The following XIRP2 variants were observed in gnomAD, a reference collection of about 807,000 sequenced individuals.
XIRP2 encodes xin actin binding repeat containing 2.
In XIRP2, 236 loss-of-function variants were observed where a neutral mutation model predicts 277.0. The observed-to-expected ratio is 0.85, with a 90% CI of 0.77 to 0.95. XIRP2 has a LOEUF of 0.95. Ranked by LOEUF, XIRP2 falls within the 40% of genes least tolerant of loss-of-function variation. The pLI is 0.00. For missense variants in XIRP2, 4,640 were observed against 4,157.5 expected (o/e 1.12, Z -3.19); for synonymous variants, 1,490 against 1,416.5 (o/e 1.05, Z -1.17).
rs1406255259 is a variant in XIRP2, at chr2:167,249,152, T to G, written c.7760T>G (p.Met2587Arg). ...NQHITEVEKEMPLQKTNEEVS... is the reference protein window; with the variant it reads ...NQHITEVEKERPLQKTNEEVS... ...CACATAACAGAGGTGGAAAAGGAAA[T>G]GCCATTACAAAAAACCAATGAGGAG... The change falls in exon 9 of 11, where the codon ATG becomes AGG. Residue 2587 changes from methionine to arginine, a missense_variant. Met to Arg is a moderately conservative substitution (Grantham distance 91). Coordinates refer to ENST00000409195, the MANE Select transcript of XIRP2 (RefSeq NM_152381.6). The G allele has an allele frequency of 1.9e-6, 3 of 1,613,576 alleles. No homozygotes were observed. The highest frequency in any genetic ancestry group is 2.5e-6 in the Non-Finnish European group (3 of 1,179,798).
At position 167,247,157 on chromosome 2, in the gene XIRP2, T is replaced by C. The variant is rs1332066078; in HGVS notation, c.5765T>C (p.Leu1922Pro). 1 of 1,613,606 alleles carries C rather than the reference T, an allele frequency of 6.2e-7. No individual in the cohort carries two copies. Residue 1922 changes from leucine to proline, a missense_variant, in exon 9 of 11, where the codon CTG becomes CCG. Coordinates refer to ENST00000409195, the MANE Select transcript of XIRP2 (RefSeq NM_152381.6). Reference sequence around the variant, plus strand: ...AAAAAGGAGCTTCTCAAAGATGACCTGGAAACATCACTAAGGTCTTTGAAA... The same window carrying C: ...AAAAAGGAGCTTCTCAAAGATGACCCGGAAACATCACTAAGGTCTTTGAAA... ...ILKKELLKDD[L>P]ETSLRSLKEA...
At chr2:167,156,675 C>T (rs1692207938) in intron 3 of XIRP2, among the ~76,000 whole-genome samples, 1 of 152,146 alleles carries the variant, frequency 6.6e-6, no homozygotes, top group Non-Finnish European at 1.5e-5. Flanking sequence ...TTATGCTTCG[C>T]AGGCATAAAT....
chr2:167,007,697 T>TCACA (rs1279562385), intron 2 of XIRP2, among the ~76,000 whole-genome samples: 142 of 120,908 alleles, frequency 1.2e-3, no homozygotes, highest in Admixed American at 5.7e-3. Flanking sequence ...TCTCTCTCTC[T>TCACA]CTCTCTCACA....
chr2:167,214,297 GAGGAAGGA>G (rs559361394), intron 4 of XIRP2, among the ~76,000 whole-genome samples: 6 of 87,172 alleles, frequency 6.9e-5, no homozygotes, highest in Non-Finnish European at 1.3e-4. Flanking sequence ...GGGAGGGAGG[GAGGAAGGA>G]AGGAAGGAAG....
intron 2 of XIRP2, 85 bp downstream of exon 2, chr2:166,903,975 C>T (rs1684454335): frequency 6.9e-7 from 1 of 1,453,354 alleles, no homozygotes. Flanking sequence ...GTAATCTTTC[C>T]CCCCGCCAGT....
intron 2 of XIRP2, among the ~76,000 whole-genome samples, chr2:166,968,799 G>A (rs1686497410): frequency 6.6e-6 from 1 of 151,678 alleles, no homozygotes; most frequent in Non-Finnish European, 1.5e-5. Context: ...ACGAATATAA[G>A]TCTTGACTGA....
intron 2 of XIRP2, among the ~76,000 whole-genome samples, chr2:167,113,853 G>T (rs1448396058): frequency 1.3e-5 from 2 of 152,126 alleles, no homozygotes; most frequent in African/African-American, 4.8e-5. Context: ...ATTCCCAACA[G>T]CATTTGCTTA....
chr2:167,091,582 A>C (rs955668456), intron 2 of XIRP2, among the ~76,000 whole-genome samples: 1 of 151,750 alleles, frequency 6.6e-6, no homozygotes, highest in Non-Finnish European at 1.5e-5. Flanking sequence ...TTTTCTTCTT[A>C]TTTTCTTGAA....
At chr2:166,931,452 A>T (rs1470464066) in intron 2 of XIRP2, among the ~76,000 whole-genome samples, 2 of 151,944 alleles carry the variant, frequency 1.3e-5, no homozygotes, top group Non-Finnish European at 2.9e-5. Flanking sequence ...GGTAACAACT[A>T]CTCTTCTATC....
chr2:167,229,108 T>G (rs1298913096), intron 5 of XIRP2, among the ~76,000 whole-genome samples: 2 of 152,118 alleles, frequency 1.3e-5, no homozygotes, highest in Non-Finnish European at 2.9e-5. Context: ...TTAGGTGATC[T>G]CAAAAAGTAT....
At chr2:167,201,123 C>T (rs1372788055) in intron 3 of XIRP2, among the ~76,000 whole-genome samples, 1 of 134,652 alleles carries the variant, frequency 7.4e-6, no homozygotes, top group Non-Finnish European at 1.6e-5. Flanking sequence ...GAGGCTTTGT[C>T]AAGAAAGAGA....
At chr2:167,148,824 G>A (rs569004278) in intron 3 of XIRP2, among the ~76,000 whole-genome samples, 1 of 152,126 alleles carries the variant, frequency 6.6e-6, no homozygotes, top group South Asian at 2.1e-4. Flanking sequence ...AATCTTTTAA[G>A]AAAGTAAAGG....
At chr2:167,253,536 AC>A (rs766857447) in intron 9 of XIRP2, among the ~76,000 whole-genome samples, 3 of 151,848 alleles carry the variant, frequency 2.0e-5, no homozygotes, top group Non-Finnish European at 4.4e-5. Context: ...GGCTTAAAAA[AC>A]ATATGTATTT....
At chr2:167,205,747 A>T (rs1046455949) in intron 3 of XIRP2, among the ~76,000 whole-genome samples, 4 of 152,190 alleles carry the variant, frequency 2.6e-5, no homozygotes, top group Non-Finnish European at 4.4e-5. Flanking sequence ...TTTATTGCAC[A>T]TGGTACACCA....
intron 2 of XIRP2, among the ~76,000 whole-genome samples, chr2:167,079,295 C>A (rs886413166): frequency 1.3e-5 from 2 of 151,982 alleles, no homozygotes; most frequent in Non-Finnish European, 1.5e-5. Context: ...ATGTGTTTTT[C>A]TTTTACATTG....
At position 166,892,245 on chromosome 2, in the gene XIRP2, T is replaced by C. The variant is rs80092980; in HGVS notation, c.-19+3688T>C. ...TAACAAAAATATTTTAGAATTCTAG[T>C]TGGTATTGTACTTGTTGAATTATAC... On this transcript the variant is annotated intron_variant, in intron 1 of 10. Coordinates refer to ENST00000409195, the MANE Select transcript of XIRP2 (RefSeq NM_152381.6). Among the ~76,000 whole-genome samples the C allele has an allele frequency of 3.0e-3, 454 of 152,262 alleles. 12 individuals are homozygous for C. In the East Asian group the frequency reaches 0.052, roughly 17 times the overall value.
intron 2 of XIRP2, among the ~76,000 whole-genome samples, chr2:166,979,179 G>T (rs1323646710): frequency 6.6e-6 from 1 of 151,980 alleles, no homozygotes; most frequent in Middle Eastern, 3.2e-3. Flanking sequence ...AATTGGGAAA[G>T]ATACATTCAA....
intron 2 of XIRP2, among the ~76,000 whole-genome samples, chr2:167,054,262 A>T (rs1169611460): frequency 6.6e-6 from 1 of 152,222 alleles, no homozygotes; most frequent in Non-Finnish European, 1.5e-5. Flanking sequence ...AAACAATAAT[A>T]GATGCTGTGA....
At chr2:167,077,481 G>A (rs769718041) in intron 2 of XIRP2, among the ~76,000 whole-genome samples, 12 of 152,116 alleles carry the variant, frequency 7.9e-5, no homozygotes, top group Non-Finnish European at 1.5e-4. Context: ...TGATTTTCAA[G>A]TGGGAGAATG....
Sources: gnomAD v4.1 joint callset for allele counts (sites outside exome capture counted in the v4.1 genomes callset) on GRCh38, gnomAD v4.1.1 for gene constraint, MANE v1.5 for transcripts, NCBI Gene and HGNC (gene_info 2026-07-23, HGNC 2026-07-21) for gene names.